The following MARK3 variants were observed in gnomAD, a reference collection of about 807,000 sequenced individuals.
The protein encoded by MARK3 is MAP/microtubule affinity-regulating kinase 3.
A neutral mutation model predicts 90.1 loss-of-function variants in MARK3; 46 were observed. The ratio of observed to expected loss-of-function variants is 0.51; its 90% CI spans 0.40 to 0.65. MARK3 has a LOEUF of 0.65. Among genes scored for constraint, MARK3 ranks in the 30% least tolerant of loss-of-function variants. The pLI, the probability that MARK3 is intolerant of heterozygous loss-of-function variation, is 0.00. For missense variants in MARK3, 818 were observed against 947.2 expected (o/e 0.86, Z 1.79); for synonymous variants, 321 against 332.6 (o/e 0.97, Z 0.38).
intron 12 of MARK3, among the ~76,000 whole-genome samples, chr14:103,469,899 AAAAAT>A (rs2093592153): frequency 6.6e-6 from 1 of 151,742 alleles, no homozygotes; most frequent in Non-Finnish European, 1.5e-5. Context: ...CATCTCTACT[AAAAAT>A]AAAAAAATTA....
Position 103,491,765 on chromosome 14 carries a change from C to A in MARK3, c.1587-12C>A. 6.2e-7 allele frequency: 1 copy of A among 1,611,562 alleles called. No homozygotes were observed. ...TCATGTTCTGAGAGCTTCTTACTTTCTGATCTCATAGCACTATTCCTGATC... is the reference window on the plus strand; with the variant it reads ...TCATGTTCTGAGAGCTTCTTACTTTATGATCTCATAGCACTATTCCTGATC... On this transcript the variant is annotated splice_polypyrimidine_tract_variant and intron_variant, in intron 14 of 17. Transcript: ENST00000429436.
At chr14:103,426,665 C>A (rs541235314) in intron 2 of MARK3, among the ~76,000 whole-genome samples, 1 of 152,250 alleles carries the variant, frequency 6.6e-6, no homozygotes, top group Admixed American at 6.5e-5. Flanking sequence ...CCATAGAAAT[C>A]ATTTTTACGT....
intron 3 of MARK3, among the ~76,000 whole-genome samples, chr14:103,444,605 C>T (rs1288731209): frequency 4.6e-5 from 7 of 152,020 alleles, no homozygotes; most frequent in African/African-American, 9.7e-5. Flanking sequence ...GGTGAAACCC[C>T]GTCTCTACTA....
intron 3 of MARK3, among the ~76,000 whole-genome samples, chr14:103,444,783 A>T (rs1030840329): frequency 6.6e-6 from 1 of 152,200 alleles, no homozygotes; most frequent in Non-Finnish European, 1.5e-5. Flanking sequence ...TTTCAAAAAA[A>T]AAAAGTAGAA....
chr14:103,490,857 G>T, intron 14 of MARK3: 1 of 677,884 alleles, frequency 1.5e-6, no homozygotes, highest in Non-Finnish European at 1.9e-6. Context: ...GAGATGGCTT[G>T]GGAGGAAGGT....
intron 7 of MARK3, 86 bp downstream of exon 7, chr14:103,462,547 T>C: frequency 1.2e-6 from 1 of 859,868 alleles, no homozygotes; most frequent in Non-Finnish European, 1.8e-6. Context: ...AGGTATAGAT[T>C]AGCCTTATTA....
intron 13 of MARK3, among the ~76,000 whole-genome samples, chr14:103,475,503 C>T (rs1441626493): frequency 6.6e-6 from 1 of 152,148 alleles, no homozygotes; most frequent in Non-Finnish European, 1.5e-5. Flanking sequence ...AAGATGAAGG[C>T]ACCAACAAGT....
At chr14:103,471,846 T>C (rs2093630559) in intron 12 of MARK3, among the ~76,000 whole-genome samples, 1 of 152,088 alleles carries the variant, frequency 6.6e-6, no homozygotes, top group African/African-American at 2.4e-5. Flanking sequence ...ATTTGGTAGT[T>C]CTCAGAAAAA....
chr14:103,400,943 TTGTGTGTGTG>T (rs61635275), intron 1 of MARK3, among the ~76,000 whole-genome samples: 36 of 123,572 alleles, frequency 2.9e-4, no homozygotes, highest in South Asian at 2.0e-3. Flanking sequence ...ATATAACATT[TTGTGTGTGTG>T]TGTGTGTGTG....
At position 103,479,628 on chromosome 14, in the gene MARK3, C is replaced by CTTTTTTTTTTTT. The variant is rs34768749; in HGVS notation, c.1483-749_1483-738dup. 3.7e-4 allele frequency among the ~76,000 whole-genome samples: 29 copies of CTTTTTTTTTTTT among 78,242 alleles called. 1 individual carries two copies. The highest frequency in any genetic ancestry group is 4.4e-4 in the Non-Finnish European group (20 of 45,196). The allele number at this position is 78,242 out of a possible 152,430, so 51.3% of individuals were successfully genotyped here. A position where few individuals can be genotyped will look rare whatever the true frequency, so the allele number is the denominator to read the frequency against. On this transcript the variant is annotated intron_variant, in intron 13 of 17. Transcript: ENST00000429436. ...ATGTGTTTCTTGGCCATACGTATAG[C>CTTTTTTTTTTTT]TTTTTTTTTTTTTTTTTTTTTGAGA...
At chr14:103,416,587 A>G (rs2091952840) in intron 2 of MARK3, among the ~76,000 whole-genome samples, 1 of 152,218 alleles carries the variant, frequency 6.6e-6, no homozygotes, top group Non-Finnish European at 1.5e-5. Context: ...CCTGGCCAAC[A>G]TGGTGAAACC....
At chr14:103,461,852 C>T (rs1172823001) in intron 6 of MARK3, among the ~76,000 whole-genome samples, 2 of 152,030 alleles carry the variant, frequency 1.3e-5, no homozygotes, top group African/African-American at 2.4e-5. Context: ...GCCTGGCCAA[C>T]GTGGTGAAAC....
At chr14:103,412,050 C>A (rs937433437) in intron 2 of MARK3, 3 of 351,188 alleles carry the variant, frequency 8.5e-6, no homozygotes, top group East Asian at 4.5e-5. Flanking sequence ...GATTAGTTTT[C>A]ATGGGATTAG....
rs936725804 is a variant in MARK3 at position 103,498,673 on chromosome 14, G to C, written c.1871+145G>C. On this transcript the variant is annotated intron_variant, in intron 16 of 17. Coordinates refer to ENST00000429436, the MANE Select transcript of MARK3 (RefSeq NM_001128918.3). ...AACTAAATACTTAATTCCTTGAAAG[G>C]AAATTGAAAAGAAATAGATTAACTC... 1.8e-5 allele frequency: 15 copies of C among 835,782 alleles called. No individual in the cohort carries two copies. The African/African-American group carries it at 2.7e-4, about 15-fold the overall frequency. The allele number at this position is 835,782 out of a possible 1,614,324, so 51.8% of individuals were successfully genotyped here. A position where few individuals can be genotyped will look rare whatever the true frequency, so the allele number is the denominator to read the frequency against.
chr14:103,388,994 C>T (rs548527580), intron 1 of MARK3, among the ~76,000 whole-genome samples: 1 of 152,110 alleles, frequency 6.6e-6, no homozygotes, highest in African/African-American at 2.4e-5. Flanking sequence ...TTTTATTGTG[C>T]TTACCCCAGG....
At chr14:103,412,839 T>C (rs2091732479) in intron 2 of MARK3, 1 of 347,218 alleles carries the variant, frequency 2.9e-6, no homozygotes, top group South Asian at 2.5e-5. Flanking sequence ...AGGAAATTGA[T>C]ATTTTAATGA....
intron 3 of MARK3, among the ~76,000 whole-genome samples, chr14:103,435,582 G>T (rs1322617022): frequency 2.6e-5 from 4 of 151,306 alleles, no homozygotes; most frequent in Non-Finnish European, 4.4e-5. Context: ...CTAATTTTTT[G>T]TATTTTTAGT....
At chr14:103,477,822 C>CA (rs2093740893) in intron 13 of MARK3, among the ~76,000 whole-genome samples, 1 of 151,248 alleles carries the variant, frequency 6.6e-6, no homozygotes, top group Non-Finnish European at 1.5e-5. Context: ...CTCATCTCTA[C>CA]AAAAAAAATT....
At chr14:103,415,769 A>G (rs2140899212) in intron 2 of MARK3, among the ~76,000 whole-genome samples, 1 of 152,368 alleles carries the variant, frequency 6.6e-6, no homozygotes, top group East Asian at 1.9e-4. Flanking sequence ...ATGCATGCAC[A>G]TAGCTTAACA....
Sources: allele counts gnomAD v4.1 joint callset (sites outside exome capture counted in the v4.1 genomes callset), GRCh38; gene constraint gnomAD v4.1.1; transcripts MANE v1.5; gene names NCBI Gene and HGNC (gene_info 2026-07-23, HGNC 2026-07-21).